Variants in C8orf89 observed in about 807,000 individuals in gnomAD.
C8orf89 encodes the protein chromosome 8 open reading frame 89, also known as putative uncharacterized protein C8orf89.
A neutral mutation model predicts 15.8 loss-of-function variants in C8orf89; 14 were observed. That is an observed-to-expected ratio of 0.89 (90% CI 0.59 to 1.39). The LOEUF is 1.39. C8orf89 is among the 40% of genes most tolerant of loss of function. C8orf89 has a pLI of 0.00. For synonymous variants in C8orf89, 55 were observed against 62.2 expected, an observed-to-expected ratio of 0.88 and a Z score of 0.54; for missense variants, 181 against 184.5, an observed-to-expected ratio of 0.98 and a Z score of 0.11.
chr8:73,242,778 A>G (rs2130240620), intron 3 of C8orf89, among the ~76,000 whole-genome samples: 1 of 152,348 alleles, frequency 6.6e-6, no homozygotes, highest in African/African-American at 2.4e-5. Flanking sequence ...TGGAGCTACC[A>G]TATGGTCCAG....
chr8:73,246,365 G>A (rs544149106), intron 3 of C8orf89, among the ~76,000 whole-genome samples: 1 of 152,044 alleles, frequency 6.6e-6, no homozygotes, highest in East Asian at 1.9e-4. Flanking sequence ...ATGTCTTTTG[G>A]GTTTTTTGTT....
At chr8:73,271,784 G>T in the C8orf89 span, among the ~76,000 whole-genome samples, 1 of 152,032 alleles carries the variant, frequency 6.6e-6, no homozygotes, top group Non-Finnish European at 1.5e-5. Context: ...ATTCCATGTG[G>T]CTGGAGAGGC....
the C8orf89 span, among the ~76,000 whole-genome samples, chr8:73,285,278 GTACT>G: frequency 2.6e-5 from 4 of 152,294 alleles, no homozygotes; most frequent in Admixed American, 6.5e-5. Flanking sequence ...ATAGATGTAA[GTACT>G]TACTTACCAG....
intron 3 of C8orf89, among the ~76,000 whole-genome samples, chr8:73,245,313 A>G (rs894288844): frequency 6.6e-6 from 1 of 152,264 alleles, no homozygotes; most frequent in African/African-American, 2.4e-5. Context: ...ACAAATCATA[A>G]TAAACATACA....
chr8:73,278,320 G>A, the C8orf89 span, among the ~76,000 whole-genome samples: 20 of 152,126 alleles, frequency 1.3e-4, no homozygotes, highest in Non-Finnish European at 2.8e-4. Flanking sequence ...TCCAAGGCTG[G>A]GCCTAAGCAG....
chr8:73,256,906 C>G (rs1813404321), intron 2 of C8orf89, 67 bp downstream of exon 2: 9 of 1,135,794 alleles, frequency 7.9e-6, no homozygotes, highest in African/African-American at 1.6e-5. Context: ...CCAGAAAAAC[C>G]TCTACATTCA....
chr8:73,254,809 C>T (rs1056540346), intron 2 of C8orf89, among the ~76,000 whole-genome samples: 21 of 152,160 alleles, frequency 1.4e-4, no homozygotes, highest in East Asian at 5.8e-4. Flanking sequence ...TCAGAAATAA[C>T]GCCACATATC....
chr8:73,268,148 T>C, the C8orf89 span, among the ~76,000 whole-genome samples: 2 of 152,144 alleles, frequency 1.3e-5, no homozygotes, highest in African/African-American at 4.8e-5. Flanking sequence ...ATCATCCGTA[T>C]AGGGGGTAGG....
the C8orf89 span, among the ~76,000 whole-genome samples, chr8:73,266,266 C>A: frequency 6.6e-6 from 1 of 152,166 alleles, no homozygotes; most frequent in Non-Finnish European, 1.5e-5. Context: ...GCCTTCTGGG[C>A]TTTTCAGTGA....
intron 3 of C8orf89, among the ~76,000 whole-genome samples, chr8:73,243,177 T>C (rs974491662): frequency 6.6e-6 from 1 of 152,036 alleles, no homozygotes; most frequent in African/African-American, 2.4e-5. Flanking sequence ...GGAGGAGAGA[T>C]GCGGGGGAAG....
At chr8:73,266,982 C>A in the C8orf89 span, among the ~76,000 whole-genome samples, 3 of 152,076 alleles carry the variant, frequency 2.0e-5, no homozygotes, top group Non-Finnish European at 4.4e-5. Flanking sequence ...TGGCAGTCAC[C>A]GATTTAATGA....
At chr8:73,249,261 G>A (rs956897814) in intron 3 of C8orf89, among the ~76,000 whole-genome samples, 1 of 152,134 alleles carries the variant, frequency 6.6e-6, no homozygotes, top group Non-Finnish European at 1.5e-5. Flanking sequence ...TGCACTGCAG[G>A]GATAAAGCCT....
chr8:73,257,943 T>C (rs778500243), intron 1 of C8orf89, among the ~76,000 whole-genome samples: 1 of 152,162 alleles, frequency 6.6e-6, no homozygotes, highest in Non-Finnish European at 1.5e-5. Flanking sequence ...TTTCTGTTGG[T>C]CAAAAAGCAT....
chr8:73,257,429 A>G (rs561665710), intron 1 of C8orf89, among the ~76,000 whole-genome samples: 2 of 152,342 alleles, frequency 1.3e-5, no homozygotes, highest in South Asian at 4.1e-4. Flanking sequence ...TTCCCAGAAT[A>G]TTAGATACCT....
the C8orf89 span, among the ~76,000 whole-genome samples, chr8:73,266,371 C>G: frequency 2.0e-5 from 3 of 152,174 alleles, no homozygotes; most frequent in Non-Finnish European, 4.4e-5. Flanking sequence ...AAGTTTCTAT[C>G]CACTCATTTG....
chr8:73,246,369 T>TTTTTG (rs1554576472), intron 3 of C8orf89, among the ~76,000 whole-genome samples: 86 of 152,192 alleles, frequency 5.7e-4, no homozygotes, highest in African/African-American at 2.0e-3. Context: ...CTTTTGGGTT[T>TTTTTG]TTTGTTTGTT....
chr8:73,254,636 C>T (rs374448323), intron 2 of C8orf89, among the ~76,000 whole-genome samples: 19 of 152,260 alleles, frequency 1.2e-4, no homozygotes, highest in East Asian at 9.7e-4. Flanking sequence ...ACCTCCTCCC[C>T]TTCTTCACGC....
chr8:73,259,209 A>G, intron 1 of C8orf89, 123 bp downstream of exon 1: 1 of 574,424 alleles, frequency 1.7e-6, no homozygotes, highest in Non-Finnish European at 2.7e-6. Context: ...TTTTTCATCA[A>G]TTTAAGATAT....
chr8:73,255,276 AAAAC>A (rs1243569608), intron 2 of C8orf89, among the ~76,000 whole-genome samples: 5 of 152,358 alleles, frequency 3.3e-5, no homozygotes, highest in Admixed American at 6.5e-5. Context: ...TTACAAGAAA[AAAAC>A]AAACAACCCC....
Sources: gnomAD v4.1 joint callset for allele counts (sites outside exome capture counted in the v4.1 genomes callset) on GRCh38, gnomAD v4.1.1 for gene constraint, MANE v1.5 for transcripts, NCBI Gene and HGNC (gene_info 2026-07-23, HGNC 2026-07-21) for gene names.